The following TTC3 variants were observed in gnomAD, a reference collection of about 807,000 sequenced individuals.
TTC3 encodes the protein E3 ubiquitin-protein ligase TTC3.
A neutral mutation model predicts 249.6 loss-of-function variants in TTC3; 180 were observed. The observed-to-expected ratio is 0.72, with a 90% CI of 0.64 to 0.82. The LOEUF (loss-of-function observed/expected upper bound fraction) is 0.82, where lower values mean the gene tolerates loss of function less well. TTC3 is among the 40% of genes least tolerant of loss of function. The pLI, the probability that TTC3 is intolerant of heterozygous loss-of-function variation, is 0.00. For synonymous variants in TTC3, 717 were observed against 805.0 expected, an observed-to-expected ratio of 0.89 and a Z score of 1.85; for missense variants, 2,061 against 2,398.4, an observed-to-expected ratio of 0.86 and a Z score of 2.94.
intron 28 of TTC3, chr21:37,157,143 A>G (rs191231607): frequency 2.1e-6 from 3 of 1,429,330 alleles, no homozygotes; most frequent in African/African-American, 2.8e-5. Context: ...ACAATACACA[A>G]TGTTCTTCCC....
intron 35 of TTC3, among the ~76,000 whole-genome samples, chr21:37,182,372 A>C (rs1234978788): frequency 6.6e-6 from 1 of 152,230 alleles, no homozygotes; most frequent in Non-Finnish European, 1.5e-5. Context: ...TCTCAACCCA[A>C]ATGCCTTTAA....
chr21:37,086,242 T>G (rs939801518), intron 1 of TTC3: 1 of 152,206 alleles, frequency 6.6e-6, no homozygotes, highest in African/African-American at 2.4e-5. Flanking sequence ...GAAACTTGGT[T>G]TATCCTAATA....
chr21:37,137,778 A>C (rs2078089954), intron 18 of TTC3, among the ~76,000 whole-genome samples: 1 of 152,216 alleles, frequency 6.6e-6, no homozygotes, highest in Non-Finnish European at 1.5e-5. Context: ...AGTAAGAGTC[A>C]ATCAGTATGA....
At chr21:37,188,595 G>A (rs375843135) in exon 39 of TTC3, 63 of 1,613,308 alleles carry the variant, frequency 3.9e-5, no homozygotes, top group Non-Finnish European at 5.1e-5. Context: ...CTGATTAGCC[G>A]GTATTGCAGT....
intron 27 of TTC3, among the ~76,000 whole-genome samples, chr21:37,154,001 G>T (rs1311861095): frequency 6.6e-6 from 1 of 152,194 alleles, no homozygotes; most frequent in Non-Finnish European, 1.5e-5. Context: ...GAGTGAGCAA[G>T]CCCCCTGCCC....
At chr21:37,187,944 C>G (rs1003610509) in intron 38 of TTC3, 1 of 152,162 alleles carries the variant, frequency 6.6e-6, no homozygotes, top group Non-Finnish European at 1.5e-5. Flanking sequence ...TTTACTGACA[C>G]CTGGATTAAA....
chr21:37,191,206 A>G, intron 39 of TTC3, 128 bp from the exon 40 acceptor site: 1 of 572,744 alleles, frequency 1.7e-6, no homozygotes, highest in Non-Finnish European at 2.9e-6. Context: ...TTCCTTAAAA[A>G]TAGTTGGATT....
rs1473904484 is a variant in TTC3, at chr21:37,159,735, G to A, written c.3029G>A (p.Gly1010Asp). The A allele has an allele frequency of 3.7e-6, 6 of 1,612,844 alleles. No individual in the cohort carries two copies. In the African/African-American group the frequency reaches 5.4e-5, roughly 14 times the overall value. Residue 1010 changes from glycine to aspartate, a missense_variant, in exon 29 of 46, where the codon GGT (glycine) becomes GAT (aspartate). Physicochemically the swap from Gly to Asp is moderately conservative, Grantham distance 94. Coordinates refer to ENST00000355666, the Ensembl canonical transcript of TTC3. Reference sequence around the variant, plus strand: ...ACTGTGTTAAGGAAACAAGATAGTGGTGAAGCACCGGTAAGTTACTTGGAT... The same window carrying A: ...ACTGTGTTAAGGAAACAAGATAGTGATGAAGCACCGGTAAGTTACTTGGAT...
At chr21:37,183,107 A>T (rs2082909692) in intron 36 of TTC3, among the ~76,000 whole-genome samples, 194 bp downstream of exon 36, 1 of 152,194 alleles carries the variant, frequency 6.6e-6, no homozygotes, top group Non-Finnish European at 1.5e-5. Context: ...TCTAAACTTA[A>T]CATTTTTTCA....
chr21:37,105,782 C>T (rs2075022301), intron 10 of TTC3, among the ~76,000 whole-genome samples: 2 of 152,168 alleles, frequency 1.3e-5, no homozygotes, highest in South Asian at 4.1e-4. Flanking sequence ...TTTTCAGCAT[C>T]GTTTTTGAGA....
rs73902585 is a variant in TTC3 at position 37,119,578 on chromosome 21, G to A, written c.901-2239G>A. ...AGCTGCCTTGGTCCTCTGTACTCCC[G>A]CTTCTGTCTCCTTAACTGAGAGAGG... On this transcript the variant is annotated intron_variant, in intron 11 of 45. Transcript: ENST00000355666. 6.5e-3 allele frequency among the ~76,000 whole-genome samples: 992 copies of A among 152,170 alleles called. 12 individuals are homozygous for A. Among genetic ancestry groups the A allele is most frequent in the African/African-American group, 0.022 (926 of 41,494 alleles).
At chr21:37,139,310 G>A (rs2078225756) in intron 19 of TTC3, among the ~76,000 whole-genome samples, 1 of 152,150 alleles carries the variant, frequency 6.6e-6, no homozygotes, top group South Asian at 2.1e-4. Context: ...ATAACTGCAT[G>A]TAGTCAGTGT....
chr21:37,187,370 A>G (rs2083421466), intron 38 of TTC3, among the ~76,000 whole-genome samples: 1 of 152,210 alleles, frequency 6.6e-6, no homozygotes, highest in African/African-American at 2.4e-5. Context: ...CATAGTGTAC[A>G]CCAAATTTTG....
intron 6 of TTC3, among the ~76,000 whole-genome samples, 169 bp from the exon 7 acceptor site, chr21:37,091,124 T>C (rs1171465412): frequency 2.0e-5 from 3 of 152,174 alleles, no homozygotes; most frequent in African/African-American, 4.8e-5. Flanking sequence ...TTAATTTATA[T>C]GTCAGAGTCT....
chr21:37,184,943 C>T (rs371622270), intron 36 of TTC3, among the ~76,000 whole-genome samples: 2 of 152,184 alleles, frequency 1.3e-5, no homozygotes, highest in East Asian at 1.9e-4. Flanking sequence ...TAAGAAATGA[C>T]TAGAACATAG....
chr21:37,188,573 A>G, exon 39 of TTC3: 1 of 1,614,030 alleles, frequency 6.2e-7, no homozygotes, highest in Non-Finnish European at 8.5e-7. Context: ...AGCCTTTCTG[A>G]AGAAGCTGGG....
chr21:37,146,654 A>G (rs1258662849), intron 21 of TTC3, among the ~76,000 whole-genome samples: 4 of 152,202 alleles, frequency 2.6e-5, no homozygotes, highest in Admixed American at 6.5e-5. Context: ...GCAAGTCTGT[A>G]TATAGTGACA....
At chr21:37,101,904 T>C (rs1160207036) in intron 10 of TTC3, among the ~76,000 whole-genome samples, 4 of 133,504 alleles carry the variant, frequency 3.0e-5, no homozygotes, top group South Asian at 2.4e-4. Context: ...GTTTGTATTA[T>C]ATTAGTATAT....
chr21:37,183,003 AC>A, intron 36 of TTC3, 90 bp downstream of exon 36: 1 of 1,131,948 alleles, frequency 8.8e-7, no homozygotes, highest in Non-Finnish European at 1.2e-6. Flanking sequence ...TTAATATTAA[AC>A]TACATCAAGT....
Sources: allele counts gnomAD v4.1 joint callset (sites outside exome capture counted in the v4.1 genomes callset), GRCh38; gene constraint gnomAD v4.1.1; transcripts MANE v1.5; gene names NCBI Gene and HGNC (gene_info 2026-07-23, HGNC 2026-07-21).